The following MYT1L variants were observed in gnomAD, a reference collection of about 807,000 sequenced individuals.
MYT1L encodes myelin transcription factor 1 like.
A neutral mutation model predicts 126.7 loss-of-function variants in MYT1L; 12 were observed. The observed-to-expected ratio is 0.09, with a 90% CI of 0.06 to 0.15. The LOEUF (loss-of-function observed/expected upper bound fraction) is 0.15, where lower values mean the gene tolerates loss of function less well. Among genes scored for constraint, MYT1L ranks in the 10% least tolerant of loss-of-function variants. MYT1L has a pLI of 1.00. For missense variants in MYT1L, 979 were observed against 1,585.2 expected (o/e 0.62, Z 6.49); for synonymous variants, 541 against 604.2 (o/e 0.90, Z 1.53).
intron 1 of MYT1L, among the ~76,000 whole-genome samples, chr2:2,312,488 C>T (rs2095989414): frequency 6.6e-6 from 1 of 151,984 alleles, no homozygotes; most frequent in African/African-American, 2.4e-5. Flanking sequence ...TGACATGCAC[C>T]TGCAGTCCCA....
chr2:2,246,896 C>A (rs931049310), intron 2 of MYT1L, among the ~76,000 whole-genome samples: 1 of 152,146 alleles, frequency 6.6e-6, no homozygotes, highest in Non-Finnish European at 1.5e-5. Flanking sequence ...TAACATGTAG[C>A]CCACAGAGCA....
chr2:1,982,121 C>T (rs1163656424), intron 5 of MYT1L, among the ~76,000 whole-genome samples: 2 of 152,126 alleles, frequency 1.3e-5, no homozygotes, highest in East Asian at 1.9e-4. Flanking sequence ...CTTCAAAACA[C>T]CAGAAAATTC....
chr2:1,943,544 C>T lies in MYT1L; in HGVS notation c.153-210G>A, dbSNP rs183601173. The stretch of plus-strand genomic sequence containing the variant: ...GAAGTGATAGTGCAAATAAATACCG[C>T]TCACATTTGTCTAGTTACCATTCAC... On this transcript the variant is annotated intron_variant, in intron 8 of 24. Coordinates refer to ENST00000647738, the MANE Select transcript of MYT1L (RefSeq NM_001303052.2). The surrounding 1 kb of genome is among the most constrained non-coding windows in gnomAD (Gnocchi z 4.4). Among the ~76,000 whole-genome samples the T allele has an allele frequency of 1.3e-5, 2 of 152,282 alleles. No homozygotes were observed. Among genetic ancestry groups the T allele is most frequent in the Admixed American group, 1.3e-4 (2 of 15,292 alleles).
chr2:2,272,510 A>C (rs963554237), intron 2 of MYT1L, among the ~76,000 whole-genome samples: 1 of 152,216 alleles, frequency 6.6e-6, no homozygotes, highest in Non-Finnish European at 1.5e-5. Flanking sequence ...AGTAGAAAAC[A>C]AAACAAACTG....
intron 5 of MYT1L, among the ~76,000 whole-genome samples, chr2:1,984,579 G>A (rs2060862458): frequency 6.8e-6 from 1 of 146,502 alleles, no homozygotes; most frequent in African/African-American, 2.6e-5. Context: ...GCGCTATCTG[G>A]GCTCACTACA....
chr2:1,813,286 C>G (rs1177316984), intron 21 of MYT1L, among the ~76,000 whole-genome samples: 5 of 135,716 alleles, frequency 3.7e-5, no homozygotes, highest in African/African-American at 1.4e-4. Flanking sequence ...CTCTTCATCA[C>G]TTCAGTCCAG....
chr2:2,321,773 C>A (rs992235076), intron 1 of MYT1L, among the ~76,000 whole-genome samples: 2 of 152,106 alleles, frequency 1.3e-5, no homozygotes, highest in African/African-American at 4.8e-5. Context: ...ACCTGACATT[C>A]CACACTTGAA....
intron 4 of MYT1L, among the ~76,000 whole-genome samples, chr2:2,040,613 T>C (rs113760316): frequency 1.6e-4 from 25 of 152,294 alleles, no homozygotes; most frequent in East Asian, 5.8e-4. Flanking sequence ...TGGATGGAAA[T>C]TGAAATATGC....
rs187134711 is a variant in MYT1L, at chr2:2,030,222, C to T, written c.-158+23756G>A. Among the ~76,000 whole-genome samples, 108 of 152,202 alleles carry T rather than the reference C, an allele frequency of 7.1e-4. 1 individual carries two copies. The highest frequency in any genetic ancestry group is 1.2e-3 in the Non-Finnish European group (79 of 68,022). ...AAGTGATTCTCCTGCCTCAGCCTCC[C>T]GAGTAGCTGGGACTACAGGCGTATG... is the stretch of plus-strand genomic sequence containing the variant. On this transcript the variant is annotated intron_variant, in intron 4 of 24. Transcript: ENST00000647738.
intron 18 of MYT1L, among the ~76,000 whole-genome samples, chr2:1,878,258 G>A (rs1356154540): frequency 6.6e-6 from 1 of 152,172 alleles, no homozygotes; most frequent in Admixed American, 6.5e-5. Context: ...TCTGAAAATG[G>A]TAACACTGAC....
At chr2:1,933,609 G>T (rs1402029563) in intron 9 of MYT1L, among the ~76,000 whole-genome samples, 1 of 152,218 alleles carries the variant, frequency 6.6e-6, no homozygotes, top group Non-Finnish European at 1.5e-5. Context: ...ACAGGAGACT[G>T]TGGTGCGTGT....
At chr2:1,800,130 A>G (rs1431457994) in intron 23 of MYT1L, 2 of 152,274 alleles carry the variant, frequency 1.3e-5, no homozygotes, top group African/African-American at 4.8e-5. Flanking sequence ...CAATTAAACA[A>G]TCTTTGCTGA....
chr2:1,943,526 T>C lies in MYT1L; in HGVS notation c.153-192A>G, dbSNP rs572409921. Among the ~76,000 whole-genome samples the C allele has an allele frequency of 2.6e-5, 4 of 152,304 alleles. No individual in the cohort carries two copies. The East Asian group carries it at 5.8e-4, about 22-fold the overall frequency. On this transcript the variant is annotated intron_variant, in intron 8 of 24. Coordinates refer to ENST00000647738, the MANE Select transcript of MYT1L (RefSeq NM_001303052.2). This position sits in a 1 kb window ranked among gnomAD's most constrained non-coding sequence, Gnocchi z 4.4. ...GTGCTGAAATCTGTTAATGAAGTGA[T>C]AGTGCAAATAAATACCGCTCACATT... is the stretch of plus-strand genomic sequence containing the variant.
chr2:2,041,954 C>T (rs537627751), intron 4 of MYT1L, among the ~76,000 whole-genome samples: 13 of 152,284 alleles, frequency 8.5e-5, no homozygotes, highest in African/African-American at 2.9e-4. Context: ...CTCCACACCC[C>T]TAGCTCTTTT....
At chr2:2,108,784 AT>A (rs11423774) in intron 3 of MYT1L, among the ~76,000 whole-genome samples, 6 of 151,284 alleles carry the variant, frequency 4.0e-5, no homozygotes, top group African/African-American at 9.7e-5. Flanking sequence ...TCTTGGCAGT[AT>A]TTTTTTTTCT....
chr2:1,971,871 C>A (rs1460117760), intron 8 of MYT1L, among the ~76,000 whole-genome samples: 2 of 152,170 alleles, frequency 1.3e-5, no homozygotes, highest in Non-Finnish European at 2.9e-5. Context: ...CAAGCCTGGA[C>A]GTCACCTGTT....
chr2:1,954,334 G>A (rs1490044171), intron 8 of MYT1L, among the ~76,000 whole-genome samples: 2 of 152,214 alleles, frequency 1.3e-5, no homozygotes, highest in African/African-American at 4.8e-5. Flanking sequence ...CCCATTTGAC[G>A]CCCCAGCCAC....
intron 2 of MYT1L, among the ~76,000 whole-genome samples, chr2:2,267,318 C>G (rs909105931): frequency 6.6e-6 from 1 of 152,224 alleles, no homozygotes; most frequent in Non-Finnish European, 1.5e-5. Flanking sequence ...CTCGCCCTCA[C>G]TTCCATGGGG....
intron 18 of MYT1L, 67 bp downstream of exon 18, chr2:1,886,472 T>A (rs973916189): frequency 3.3e-6 from 4 of 1,197,202 alleles, no homozygotes; most frequent in Non-Finnish European, 4.6e-6. Flanking sequence ...AAATGACATA[T>A]CATTTTTTTT....
Sources: gnomAD v4.1 joint callset for allele counts (sites outside exome capture counted in the v4.1 genomes callset) on GRCh38, gnomAD v4.1.1 for gene constraint, Gnocchi (gnomAD v3.1) non-coding constraint, MANE v1.5 for transcripts, NCBI Gene and HGNC (gene_info 2026-07-23, HGNC 2026-07-21) for gene names.